Variants in BRINP2 observed in about 807,000 individuals in gnomAD.
BRINP2 encodes the protein BMP/retinoic acid-inducible neural-specific protein 2.
A neutral mutation model predicts 69.2 loss-of-function variants in BRINP2; 21 were observed. The ratio of observed to expected loss-of-function variants is 0.30; its 90% CI spans 0.22 to 0.44. The LOEUF (loss-of-function observed/expected upper bound fraction) is 0.44, where lower values mean the gene tolerates loss of function less well. Among genes scored for constraint, BRINP2 ranks in the 20% least tolerant of loss-of-function variants. The pLI is 1.00. For synonymous variants in BRINP2, 380 were observed against 394.1 expected, an observed-to-expected ratio of 0.96 and a Z score of 0.42; for missense variants, 877 against 986.0, an observed-to-expected ratio of 0.89 and a Z score of 1.48.
At chr1:177,260,100 A>T (rs1363582389) in intron 4 of BRINP2, among the ~76,000 whole-genome samples, 5 of 152,220 alleles carry the variant, frequency 3.3e-5, no homozygotes, top group Non-Finnish European at 5.9e-5. Flanking sequence ...AACATTTGTA[A>T]TTCATAGGGG....
Position 177,276,307 on chromosome 1 carries a change from C to G in BRINP2, c.885C>G (p.Cys295Trp), listed in dbSNP as rs145234889. The change falls in exon 6 of 8, where the codon TGC becomes TGG. Residue 295 changes from cysteine (C) to tryptophan (W), a missense_variant. Cys to Trp is a radical substitution (Grantham distance 215). Around this residue, in one of 3 missense-constraint regions of BRINP2, gnomAD observed 566 missense variants for 625.2 expected, o/e 0.91. Transcript: ENST00000361539. ...AGCTCGTCTGCAAGGAGAATGACTGCTGGTGCAAGTGCAGCCCCACCTTCC... is the reference window on the plus strand; with the variant it reads ...AGCTCGTCTGCAAGGAGAATGACTGGTGGTGCAAGTGCAGCCCCACCTTCC... ...EGELVCKEND[C>W]WCKCSPTFPE... is the part of the protein sequence containing the mutation. The G allele has an allele frequency of 2.5e-6, 4 of 1,614,222 alleles. No individual in the cohort carries two copies. Among genetic ancestry groups the G allele is most frequent in the Non-Finnish European group, 3.4e-6 (4 of 1,180,048 alleles).
chr1:177,211,588 C>T (rs895806257), intron 1 of BRINP2, among the ~76,000 whole-genome samples: 7 of 152,120 alleles, frequency 4.6e-5, no homozygotes, highest in Admixed American at 1.3e-4. Flanking sequence ...GTGATTTCCT[C>T]GTTCTGTCCA....
chr1:177,279,919 A>G (rs1651637948), intron 7 of BRINP2, among the ~76,000 whole-genome samples: 1 of 152,196 alleles, frequency 6.6e-6, no homozygotes, highest in East Asian at 1.9e-4. Flanking sequence ...GAGGTAACAT[A>G]AGAGCTAAAA....
intron 1 of BRINP2, among the ~76,000 whole-genome samples, chr1:177,186,188 C>G (rs1233047786): frequency 6.6e-6 from 1 of 152,168 alleles, no homozygotes; most frequent in East Asian, 1.9e-4. Context: ...GTCCACCCCA[C>G]TCTCAACCCT....
chr1:177,247,128 G>A lies in BRINP2; in HGVS notation c.270-8791G>A, dbSNP rs577560432. On this transcript the variant is annotated intron_variant, in intron 2 of 7. Transcript: ENST00000361539. Reference sequence around the variant, plus strand: ...AAAAAGACAAAATGGTGATGTCATCGCTTGGTGGACTGAGTTCTGTGATGG... The same window carrying A: ...AAAAAGACAAAATGGTGATGTCATCACTTGGTGGACTGAGTTCTGTGATGG... 1.1e-4 allele frequency among the ~76,000 whole-genome samples: 17 copies of A among 152,324 alleles called. 1 individual carries two copies. The highest frequency in any genetic ancestry group is 9.6e-4 in the East Asian group (5 of 5,186).
intron 1 of BRINP2, among the ~76,000 whole-genome samples, chr1:177,211,338 T>A (rs554690111): frequency 3.3e-5 from 5 of 152,290 alleles, no homozygotes; most frequent in Middle Eastern, 3.4e-3. Flanking sequence ...AGACTATAAA[T>A]AACTCTCATG....
Position 177,257,309 on chromosome 1 carries a change from C to T in BRINP2, c.594C>T (p.Ala198=), listed in dbSNP as rs147437706. The T allele has an allele frequency of 2.8e-5, 45 of 1,613,924 alleles. No individual in the cohort carries two copies. Among genetic ancestry groups the T allele is most frequent in the East Asian group, 8.9e-5 (4 of 44,872 alleles). ...AVSLETLHQL[A]ASYFIDREST... ...CCCTGGAGACCCTGCACCAGCTGGC[C>T]GCCTCCTACTTCATCGACAGAGAGA... Residue 198 remains alanine, a synonymous_variant, in exon 4 of 8, where the codon GCC becomes GCT. Coordinates refer to ENST00000361539, the MANE Select transcript of BRINP2 (RefSeq NM_021165.4).
intron 2 of BRINP2, among the ~76,000 whole-genome samples, chr1:177,246,788 C>A (rs928309784): frequency 6.6e-6 from 1 of 152,148 alleles, no homozygotes; most frequent in South Asian, 2.1e-4. Context: ...TTTTTATTAT[C>A]GTTTCGTTTT....
At chr1:177,251,201 G>A (rs1650571207) in intron 2 of BRINP2, among the ~76,000 whole-genome samples, 1 of 152,128 alleles carries the variant, frequency 6.6e-6, no homozygotes, top group Non-Finnish European at 1.5e-5. Flanking sequence ...GCTTTTTGAG[G>A]CATCTCAATT....
intron 2 of BRINP2, among the ~76,000 whole-genome samples, chr1:177,236,225 A>G (rs1650018404): frequency 6.6e-6 from 1 of 152,222 alleles, no homozygotes; most frequent in African/African-American, 2.4e-5. Context: ...AGCACAAGGC[A>G]TCTTAGGCCT....
intron 1 of BRINP2, among the ~76,000 whole-genome samples, chr1:177,176,500 G>A (rs1648090526): frequency 1.3e-5 from 2 of 148,150 alleles, no homozygotes; most frequent in East Asian, 2.0e-4. Flanking sequence ...TTAAAATTAT[G>A]TAAGTGGCTG....
intron 6 of BRINP2, 70 bp downstream of exon 6, chr1:177,276,504 A>C: frequency 7.1e-7 from 1 of 1,414,538 alleles, no homozygotes; most frequent in South Asian, 1.2e-5. Flanking sequence ...CATGGGGAGA[A>C]CAAAACTTGA....
chr1:177,187,497 C>T (rs1425027829), intron 1 of BRINP2, among the ~76,000 whole-genome samples: 2 of 152,198 alleles, frequency 1.3e-5, no homozygotes, highest in Admixed American at 6.5e-5. Context: ...TCCTTTGGAT[C>T]AGACCTCACA....
At chr1:177,209,552 G>T (rs1253453707) in intron 1 of BRINP2, among the ~76,000 whole-genome samples, 2 of 152,204 alleles carry the variant, frequency 1.3e-5, no homozygotes, top group Non-Finnish European at 2.9e-5. Context: ...AGCTAAAGGA[G>T]TGACATTTGT....
rs531275272 is a variant in BRINP2, at chr1:177,255,711, GAC to G, written c.270-206_270-205del. Among the ~76,000 whole-genome samples the G allele has an allele frequency of 7.0e-3, 1,059 of 152,308 alleles. 9 individuals are homozygous for G. The highest frequency in any genetic ancestry group is 0.014 in the South Asian group (70 of 4,828). On this transcript the variant is annotated intron_variant, in intron 2 of 7. Transcript: ENST00000361539. ...AGAGGCTCTGATGTAGATCAGTGGA[GAC>G]AGAGCTTTCTTACAGCATGTGAATG...
chr1:177,192,347 A>C (rs957862413), intron 1 of BRINP2, among the ~76,000 whole-genome samples: 1 of 152,190 alleles, frequency 6.6e-6, no homozygotes, highest in Non-Finnish European at 1.5e-5. Flanking sequence ...CATGTCTCTC[A>C]GTGTACCAGG....
chr1:177,207,221 C>A (rs1339182641), intron 1 of BRINP2, among the ~76,000 whole-genome samples: 1 of 152,088 alleles, frequency 6.6e-6, no homozygotes, highest in Admixed American at 6.5e-5. Flanking sequence ...TATCCTGCTG[C>A]AAATAAATCC....
intron 1 of BRINP2, among the ~76,000 whole-genome samples, chr1:177,220,094 A>C (rs545598037): frequency 6.6e-6 from 1 of 152,356 alleles, no homozygotes; most frequent in Non-Finnish European, 1.5e-5. Context: ...TCTTGGTAAC[A>C]GGAGGTCCAA....
At chr1:177,204,248 G>A (rs1649002965) in intron 1 of BRINP2, among the ~76,000 whole-genome samples, 2 of 152,254 alleles carry the variant, frequency 1.3e-5, no homozygotes, top group African/African-American at 4.8e-5. Flanking sequence ...CCTAGTTGAA[G>A]TAGTCAGTTA....
Sources: allele counts gnomAD v4.1 joint callset (sites outside exome capture counted in the v4.1 genomes callset), GRCh38; gene constraint gnomAD v4.1.1; regional missense constraint gnomAD v4.1.1; transcripts MANE v1.5; gene names NCBI Gene and HGNC (gene_info 2026-07-23, HGNC 2026-07-21).